Variants in SIPA1L3 observed in about 807,000 individuals in gnomAD.
SIPA1L3 encodes the protein signal induced proliferation associated 1 like 3, also known as signal-induced proliferation-associated 1-like protein 3.
Under a neutral mutation model 150.1 loss-of-function variants are expected in SIPA1L3, and 59 were observed. The observed-to-expected ratio is 0.39, with a 90% CI of 0.32 to 0.49. The LOEUF is 0.49. SIPA1L3 is among the 20% of genes least tolerant of loss of function. SIPA1L3 has a pLI of 0.86. For missense variants in SIPA1L3, 2,211 were observed against 2,489.5 expected (o/e 0.89, Z 2.38); for synonymous variants, 1,070 against 1,077.6 (o/e 0.99, Z 0.14).
chr19:38,144,372 A>T (rs1397064595), intron 12 of SIPA1L3, among the ~76,000 whole-genome samples: 1 of 152,242 alleles, frequency 6.6e-6, no homozygotes, highest in Non-Finnish European at 1.5e-5. Flanking sequence ...GGATGAAAGG[A>T]TGGAGTGAGT....
chr19:37,999,005 A>C (rs529752093), intron 1 of SIPA1L3, among the ~76,000 whole-genome samples: 3 of 150,514 alleles, frequency 2.0e-5, no homozygotes, highest in Admixed American at 6.6e-5. Context: ...ACACACACAC[A>C]CACACACCCA....
At chr19:38,181,683 A>C (rs558988310) in intron 15 of SIPA1L3, among the ~76,000 whole-genome samples, 10 of 151,970 alleles carry the variant, frequency 6.6e-5, no homozygotes, top group African/African-American at 2.4e-4. Context: ...GTCTCTACTA[A>C]AAATACAAAA....
In SIPA1L3 at chr19:38,119,853, G is replaced by A. The variant is rs1600097351; in HGVS notation, c.2839G>A (p.Asp947Asn). The change falls in exon 9 of 22, where the codon GAC becomes AAC. Residue 947 changes from aspartate to asparagine, a missense_variant. Around this residue, in one of 5 missense-constraint regions of SIPA1L3, gnomAD observed 625 missense variants for 804.2 expected, o/e 0.78. Coordinates refer to ENST00000222345, the MANE Select transcript of SIPA1L3 (RefSeq NM_015073.3). ...ACAGGCGACAGAGGGTTCTGTGGAG[G>A]ACATAAGGGAGATAGTGCAGAGACT... ...FLQATEGSVE[D>N]IREIVQRLKV... 1 of 1,611,752 alleles carries A rather than the reference G, an allele frequency of 6.2e-7. No homozygotes were observed. Among genetic ancestry groups the A allele is most frequent in the Non-Finnish European group, 8.5e-7 (1 of 1,179,520 alleles).
chr19:38,147,480 G>GTT lies in SIPA1L3; in HGVS notation c.3533+4778_3533+4779dup, dbSNP rs568003698. 1.2e-3 allele frequency among the ~76,000 whole-genome samples: 177 copies of GTT among 149,956 alleles called. 1 individual carries two copies. The highest frequency in any genetic ancestry group is 4.2e-3 in the African/African-American group (172 of 40,904). On this transcript the variant is annotated intron_variant, in intron 12 of 21. Transcript: ENST00000222345. ...AGTGCTGGGTCCTGAAGATTTTCTC[G>GTT]TTTTTTTTTCTGGAAGTTTTACTCT...
At chr19:38,074,764 T>C (rs912127015) in intron 2 of SIPA1L3, among the ~76,000 whole-genome samples, 3 of 152,240 alleles carry the variant, frequency 2.0e-5, no homozygotes, top group Admixed American at 2.0e-4. Flanking sequence ...TGTTTTGTTG[T>C]TGTTGTTGTT....
chr19:38,000,655 G>A (rs1967761023), intron 1 of SIPA1L3, among the ~76,000 whole-genome samples: 1 of 121,244 alleles, frequency 8.2e-6, no homozygotes, highest in Admixed American at 1.0e-4. Flanking sequence ...AAATCTCCTA[G>A]GAAAGCAGGG....
rs1568543884 is a variant in SIPA1L3, at chr19:38,088,768, G to C, written c.1582G>C (p.Val528Leu). The C allele has an allele frequency of 6.2e-7, 1 of 1,614,032 alleles. No homozygotes were observed. Residue 528 changes from valine (V) to leucine (L), a missense_variant, in exon 4 of 22, where the codon GTG becomes CTG. By Grantham distance (32) the Val-to-Leu change is conservative. Around this residue, in one of 5 missense-constraint regions of SIPA1L3, gnomAD observed 625 missense variants for 804.2 expected, o/e 0.78. Transcript: ENST00000222345. ...GVDEKLGPVAVSIKREKLEDH... is the reference protein window; with the variant it reads ...GVDEKLGPVALSIKREKLEDH... ...GGATGAGAAGCTGGGGCCAGTGGCT[G>C]TGAGCATTAAGCGGGAGAAGCTGGA...
intron 15 of SIPA1L3, among the ~76,000 whole-genome samples, chr19:38,182,062 G>A (rs962273089): frequency 2.6e-5 from 4 of 151,380 alleles, no homozygotes; most frequent in African/African-American, 9.7e-5. Context: ...GATCACTTGA[G>A]GCTGGGAGGT....
chr19:38,180,015 A>G (rs1972522534), intron 15 of SIPA1L3, among the ~76,000 whole-genome samples: 1 of 151,956 alleles, frequency 6.6e-6, no homozygotes, highest in Non-Finnish European at 1.5e-5. Context: ...TAATTTTTGT[A>G]TTTTTAGTAG....
At chr19:38,144,788 G>C (rs1309383959) in intron 12 of SIPA1L3, among the ~76,000 whole-genome samples, 1 of 152,188 alleles carries the variant, frequency 6.6e-6, no homozygotes, top group Non-Finnish European at 1.5e-5. Flanking sequence ...TAAAAACCAT[G>C]TGCACTCTGA....
At chr19:38,085,499 A>AC (rs1385568320) in intron 3 of SIPA1L3, among the ~76,000 whole-genome samples, 1 of 150,750 alleles carries the variant, frequency 6.6e-6, no homozygotes, top group Non-Finnish European at 1.5e-5. Flanking sequence ...AAAAAAAAAA[A>AC]GAAGTTCCAG....
chr19:38,122,977 A>G (rs1971056587), intron 9 of SIPA1L3, among the ~76,000 whole-genome samples: 1 of 152,060 alleles, frequency 6.6e-6, no homozygotes, highest in South Asian at 2.1e-4. Context: ...TTATCTGTTC[A>G]CTGCCGTGTC....
intron 10 of SIPA1L3, 199 bp downstream of exon 10, chr19:38,130,971 C>G: frequency 1.7e-6 from 1 of 599,466 alleles, no homozygotes; most frequent in South Asian, 2.2e-5. Context: ...TTGGTTTAGC[C>G]CTTCATACGT....
rs553419557 is a variant in SIPA1L3 at position 37,950,577 on chromosome 19, C to T, written c.-379+43219C>T. Among the ~76,000 whole-genome samples the T allele has an allele frequency of 9.2e-5, 14 of 152,364 alleles. No homozygotes were observed. The South Asian group carries it at 2.3e-3, about 25-fold the overall frequency. On this transcript the variant is annotated intron_variant, in intron 1 of 21. Transcript: ENST00000222345. ...ATCCCAAGTTCCCTGCTCAGTGCAG[C>T]CCCAGCTCCTGATCACACTTGAACG... is the stretch of plus-strand genomic sequence containing the variant.
At chr19:38,094,292 G>T (rs1970329209) in intron 4 of SIPA1L3, among the ~76,000 whole-genome samples, 1 of 152,096 alleles carries the variant, frequency 6.6e-6, no homozygotes, top group South Asian at 2.1e-4. Flanking sequence ...TCTGTCCCCT[G>T]GGCTGAAGTG....
intron 13 of SIPA1L3, among the ~76,000 whole-genome samples, chr19:38,153,920 C>G (rs1971885928): frequency 6.6e-6 from 1 of 151,890 alleles, no homozygotes; most frequent in Non-Finnish European, 1.5e-5. Flanking sequence ...AGCGACAGAG[C>G]AAGACTCTGT....
In SIPA1L3 at chr19:38,119,502, G is replaced by A. The variant is rs760246627; in HGVS notation, c.2488G>A (p.Glu830Lys). Residue 830 changes from glutamate (E) to lysine (K), a missense_variant, in exon 9 of 22, where the codon GAA becomes AAA. Coordinates refer to ENST00000222345, the MANE Select transcript of SIPA1L3 (RefSeq NM_015073.3). ...CCAGGAGTATCTCAAGGACCTGGCCGAAAACTGTGTCTCCAACACCCCCAT... is the reference window on the plus strand; with the variant it reads ...CCAGGAGTATCTCAAGGACCTGGCCAAAAACTGTGTCTCCAACACCCCCAT... Reference protein sequence around the residue: ...TRQEYLKDLAENCVSNTPIDS... With the variant: ...TRQEYLKDLAKNCVSNTPIDS... The A allele has an allele frequency of 2.1e-5, 34 of 1,614,016 alleles. No individual in the cohort carries two copies. Among genetic ancestry groups the A allele is most frequent in the Admixed American group, 1.3e-4 (8 of 59,992 alleles).
intron 19 of SIPA1L3, among the ~76,000 whole-genome samples, chr19:38,201,569 C>T (rs923136815): frequency 4.1e-4 from 62 of 152,210 alleles, no homozygotes; most frequent in African/African-American, 1.5e-3. Flanking sequence ...GGAATCCGGT[C>T]GGTTGCTAGC....
rs115118108 is a variant in SIPA1L3 at position 38,194,066 on chromosome 19, G to A, written c.4840+286G>A. 0.019 allele frequency among the ~76,000 whole-genome samples: 2,893 copies of A among 152,076 alleles called. 89 individuals carry two copies. The highest frequency in any genetic ancestry group is 0.064 in the African/African-American group (2,661 of 41,462). Reference sequence around the variant, plus strand: ...ACCAGAGAAGAAGTCCACCCTCAGGGTACAGGCCTAGGGAATGGGGCTGCC... The same window carrying A: ...ACCAGAGAAGAAGTCCACCCTCAGGATACAGGCCTAGGGAATGGGGCTGCC... On this transcript the variant is annotated intron_variant, in intron 18 of 21. Transcript: ENST00000222345.
Sources: gnomAD v4.1 joint callset for allele counts (sites outside exome capture counted in the v4.1 genomes callset) on GRCh38, gnomAD v4.1.1 for gene constraint, gnomAD v4.1.1 regional missense constraint, MANE v1.5 for transcripts, NCBI Gene and HGNC (gene_info 2026-07-23, HGNC 2026-07-21) for gene names.